The following NCOA7 variants were observed in gnomAD, a reference collection of about 807,000 sequenced individuals.
NCOA7 encodes the protein 140 kDa estrogen receptor-associated protein.
A neutral mutation model predicts 104.3 loss-of-function variants in NCOA7; 45 were observed. The observed-to-expected ratio is 0.43, with a 90% confidence interval of 0.34 to 0.55. The LOEUF (loss-of-function observed/expected upper bound fraction) is 0.55, where lower values mean the gene tolerates loss of function less well. Among genes scored for constraint, NCOA7 ranks in the 20% least tolerant of loss-of-function variants. The probability of loss-of-function intolerance (pLI) is 0.02; values close to 1 mark genes in which losing one functional copy is unlikely to be tolerated. For synonymous variants in NCOA7, 398 were observed against 402.3 expected (o/e 0.99, Z 0.13); for missense variants, 1,041 against 1,119.7 (o/e 0.93, Z 1.00).
intron 1 of NCOA7, among the ~76,000 whole-genome samples, chr6:125,809,829 A>T (rs550056251): frequency 1.3e-5 from 2 of 152,232 alleles, no homozygotes; most frequent in African/African-American, 2.4e-5. Flanking sequence ...GGCCTCATGG[A>T]TATACTGCTG....
upstream of NCOA7, among the ~76,000 whole-genome samples, chr6:125,787,221 G>A (rs1350899386): frequency 5.3e-5 from 8 of 151,974 alleles, no homozygotes; most frequent in East Asian, 1.5e-3. Context: ...AGCAATATTT[G>A]CCAATATTTT....
chr6:125,818,437 A>C (rs750055414), intron 2 of NCOA7, among the ~76,000 whole-genome samples: 9 of 152,212 alleles, frequency 5.9e-5, no homozygotes. Flanking sequence ...AAATGCTGAA[A>C]TGTGATCTTG....
intron 2 of NCOA7, among the ~76,000 whole-genome samples, chr6:125,828,155 A>G (rs1778824729): frequency 6.6e-6 from 1 of 152,250 alleles, no homozygotes; most frequent in Non-Finnish European, 1.5e-5. Context: ...GAACAGAACT[A>G]AAGAATGGGA....
intron 2 of NCOA7, among the ~76,000 whole-genome samples, chr6:125,849,414 A>G (rs1780924064): frequency 1.3e-5 from 2 of 152,202 alleles, no homozygotes; most frequent in African/African-American, 4.8e-5. Flanking sequence ...ATCAAGCCAC[A>G]TTGCCTCATT....
At chr6:125,926,849 G>A (rs1189074578) in intron 13 of NCOA7, among the ~76,000 whole-genome samples, 4 of 152,176 alleles carry the variant, frequency 2.6e-5, no homozygotes, top group Admixed American at 1.3e-4. Flanking sequence ...ATCACCTAGG[G>A]ACATTTTCAG....
At chr6:125,895,959 G>GTA (rs201690002) in intron 10 of NCOA7, among the ~76,000 whole-genome samples, 8 of 137,528 alleles carry the variant, frequency 5.8e-5, no homozygotes, top group South Asian at 2.2e-4. Flanking sequence ...GTTCATATAT[G>GTA]TATATATGTG....
At position 125,855,023 on chromosome 6, in the gene NCOA7, G is replaced by C. The variant is rs550024482; in HGVS notation, c.54G>C (p.Leu18=). The change falls in exon 3 of 16, where the codon CTG becomes CTC. Residue 18 remains leucine, a synonymous_variant. Coordinates refer to ENST00000392477, the MANE Select transcript of NCOA7 (RefSeq NM_181782.5). ...KERKQSYFAR[L]KKKKQAKQNA... The stretch of plus-strand genomic sequence containing the variant: ...CTTTTTTTTCCCTCTTTCCTAGACT[G>C]AAAAAGAAAAAACAAGCCAAACAAA... 1.3e-6 allele frequency: 2 copies of C among 1,598,436 alleles called. No individual in the cohort carries two copies. The highest frequency in any genetic ancestry group is 2.3e-5 in the South Asian group (2 of 88,226).
At chr6:125,879,593 G>A (rs1340546687) in intron 5 of NCOA7, among the ~76,000 whole-genome samples, 1 of 152,028 alleles carries the variant, frequency 6.6e-6, no homozygotes. Flanking sequence ...ATTGAAGTGA[G>A]GTTTAAATGA....
At chr6:125,852,545 A>C (rs1781214671) in intron 2 of NCOA7, among the ~76,000 whole-genome samples, 1 of 152,168 alleles carries the variant, frequency 6.6e-6, no homozygotes, top group Non-Finnish European at 1.5e-5. Flanking sequence ...ATCAGGTCTT[A>C]GAGTTAAGTC....
Position 125,826,220 on chromosome 6 carries a change from G to C in NCOA7, c.50+10816G>C, listed in dbSNP as rs528799819. On this transcript the variant is annotated intron_variant, in intron 2 of 15. Coordinates refer to ENST00000392477, the MANE Select transcript of NCOA7 (RefSeq NM_181782.5). ...TGTGTGTCTGTAGTCCCAGCTACTC[G>C]GGAGGCTGAGGCAGGAGAATTGCTT... Among the ~76,000 whole-genome samples the C allele has an allele frequency of 2.6e-5, 4 of 151,890 alleles. No individual in the cohort carries two copies. The East Asian group carries it at 7.7e-4, about 29-fold the overall frequency.
chr6:125,865,196 C>A lies in NCOA7; in HGVS notation c.272-9693C>A, dbSNP rs1227491112. Among the ~76,000 whole-genome samples, 2 of 138,758 alleles carry A rather than the reference C, an allele frequency of 1.4e-5. 1 individual carries two copies. The allele number at this position is 138,758 out of a possible 152,430, so 91.0% of individuals were successfully genotyped here. A position where few individuals can be genotyped will look rare whatever the true frequency, so the allele number is the denominator to read the frequency against. On this transcript the variant is annotated intron_variant, in intron 3 of 15. Transcript: ENST00000392477. Reference sequence around the variant, plus strand: ...GGCTAGCATGCAGCCAGGATTCATACCCTGCCCTCTTTGGCACCAAAGCCT... The same window carrying A: ...GGCTAGCATGCAGCCAGGATTCATAACCTGCCCTCTTTGGCACCAAAGCCT...
Position 125,890,809 on chromosome 6 carries a change from A to G in NCOA7, c.2095A>G (p.Arg699Gly), listed in dbSNP as rs779757696. 6.2e-7 allele frequency: 1 copy of G among 1,602,810 alleles called. No homozygotes were observed. Among genetic ancestry groups the G allele is most frequent in the African/African-American group, 1.3e-5 (1 of 74,404 alleles). The part of the protein sequence containing the change: ...PEYWFAVPRE[R>G]VDHLYTFFVQ... ...GTACTGGTTTGCTGTTCCTCGGGAGAGGTGAGTATGGGCTACAATGGAAAG... is the reference window on the plus strand; with the variant it reads ...GTACTGGTTTGCTGTTCCTCGGGAGGGGTGAGTATGGGCTACAATGGAAAG... Residue 699 changes from arginine (R) to glycine (G), a missense_variant and splice_region_variant, in exon 10 of 16, where the codon AGG becomes GGG. Around this residue, in one of 2 missense-constraint regions of NCOA7, gnomAD observed 914 missense variants for 942.7 expected, o/e 0.97. Transcript: ENST00000392477.
intron 3 of NCOA7, among the ~76,000 whole-genome samples, chr6:125,860,890 T>C (rs1220750691): frequency 6.6e-6 from 1 of 152,196 alleles, no homozygotes; most frequent in Non-Finnish European, 1.5e-5. Flanking sequence ...GATTATGTAA[T>C]GTTTTAATAT....
intron 2 of NCOA7, among the ~76,000 whole-genome samples, chr6:125,816,792 T>A (rs1777634000): frequency 6.6e-6 from 1 of 152,208 alleles, no homozygotes; most frequent in Non-Finnish European, 1.5e-5. Flanking sequence ...ATTCAGAGCA[T>A]TCATTGTATG....
At position 125,859,237 on chromosome 6, in the gene NCOA7, GA is replaced by G. The variant is rs994442581; in HGVS notation, c.271+4008del. Reference sequence around the variant, plus strand: ...ATGGTCAGTGTAGTGTGTGAGGGAGGAAAAAAAAAAACAGAGGCAAAAATTG... The same window carrying G: ...ATGGTCAGTGTAGTGTGTGAGGGAGGAAAAAAAAAACAGAGGCAAAAATTG... On this transcript the variant is annotated intron_variant, in intron 3 of 15. Coordinates refer to ENST00000392477, the MANE Select transcript of NCOA7 (RefSeq NM_181782.5). 8.2e-3 allele frequency among the ~76,000 whole-genome samples: 1,177 copies of G among 143,606 alleles called. 10 individuals carry two copies. Among genetic ancestry groups the G allele is most frequent in the African/African-American group, 0.023 (923 of 39,306 alleles). The allele number at this position is 143,606 out of a possible 152,430, so 94.2% of individuals were successfully genotyped here.
chr6:125,809,874 C>T (rs948810110), intron 1 of NCOA7, among the ~76,000 whole-genome samples: 3 of 152,108 alleles, frequency 2.0e-5, no homozygotes, highest in Non-Finnish European at 4.4e-5. Flanking sequence ...CTTGAATATT[C>T]AAGGAACTGC....
chr6:125,914,745 T>G (rs1005857566), intron 10 of NCOA7, among the ~76,000 whole-genome samples: 1 of 152,204 alleles, frequency 6.6e-6, no homozygotes, highest in Non-Finnish European at 1.5e-5. Flanking sequence ...AAAGATACTT[T>G]GGAAACTTCA....
intron 1 of NCOA7, among the ~76,000 whole-genome samples, chr6:125,794,829 C>A (rs773647899): frequency 6.6e-6 from 1 of 152,072 alleles, no homozygotes; most frequent in African/African-American, 2.4e-5. Flanking sequence ...GGAGTACCTG[C>A]CTTAAACGCT....
At chr6:125,798,828 C>T (rs542901099) in intron 1 of NCOA7, among the ~76,000 whole-genome samples, 7 of 151,956 alleles carry the variant, frequency 4.6e-5, no homozygotes, top group African/African-American at 1.2e-4. Context: ...ATGTATCATC[C>T]GATTTTTATA....
Sources: gnomAD v4.1 joint callset for allele counts (sites outside exome capture counted in the v4.1 genomes callset) on GRCh38, gnomAD v4.1.1 for gene constraint, gnomAD v4.1.1 regional missense constraint, MANE v1.5 for transcripts, NCBI Gene and HGNC (gene_info 2026-07-23, HGNC 2026-07-21) for gene names.